The following NCKAP5 variants were observed in gnomAD, a reference collection of about 807,000 sequenced individuals.
The protein encoded by NCKAP5 is NCK associated protein 5.
NCKAP5 carries 92 observed loss-of-function variants against 167.0 expected under a neutral mutation model. The ratio of observed to expected loss-of-function variants is 0.55; its 90% confidence interval spans 0.47 to 0.66. NCKAP5 has a LOEUF of 0.66. NCKAP5 is among the 30% of genes least tolerant of loss of function. The probability of loss-of-function intolerance (pLI) is 0.00; values close to 1 mark genes in which losing one functional copy is unlikely to be tolerated. For synonymous variants in NCKAP5, 891 were observed against 877.4 expected (o/e 1.02, Z -0.27); for missense variants, 2,378 against 2,315.0 (o/e 1.03, Z -0.56).
intron 3 of NCKAP5, among the ~76,000 whole-genome samples, chr2:133,353,294 G>C (rs967285209): frequency 1.3e-5 from 2 of 152,168 alleles, no homozygotes; most frequent in African/African-American, 4.8e-5. Context: ...TGAGACAGAA[G>C]GCATTTTTGG....
intron 3 of NCKAP5, among the ~76,000 whole-genome samples, chr2:133,336,656 G>C (rs369429165): frequency 6.6e-6 from 1 of 152,046 alleles, no homozygotes. Context: ...ACCAAATTTG[G>C]TAAAATAAAA....
intron 6 of NCKAP5, among the ~76,000 whole-genome samples, chr2:133,106,745 GA>G (rs1304613952): frequency 6.6e-6 from 1 of 152,198 alleles, no homozygotes; most frequent in African/African-American, 2.4e-5. Context: ...CAGAGTTGTG[GA>G]AACAGCTGCT....
intron 4 of NCKAP5, among the ~76,000 whole-genome samples, chr2:133,251,743 A>G (rs1201965743): frequency 6.6e-6 from 1 of 152,208 alleles, no homozygotes; most frequent in Non-Finnish European, 1.5e-5. Flanking sequence ...TAATTCATAC[A>G]AATAAAAAGA....
At chr2:133,370,907 T>C (rs566829201) in intron 3 of NCKAP5, among the ~76,000 whole-genome samples, 76 of 152,120 alleles carry the variant, frequency 5.0e-4, no homozygotes, top group Non-Finnish European at 8.7e-4. Flanking sequence ...GGTCTTCAAA[T>C]GTATAAAATG....
At chr2:133,396,357 G>A (rs557388844) in intron 3 of NCKAP5, among the ~76,000 whole-genome samples, 6 of 152,132 alleles carry the variant, frequency 3.9e-5, no homozygotes, top group South Asian at 4.2e-4. Flanking sequence ...AACTCAGCTC[G>A]TTTTCACCAA....
chr2:132,900,635 T>C (rs1693547670), intron 8 of NCKAP5, among the ~76,000 whole-genome samples: 1 of 152,176 alleles, frequency 6.6e-6, no homozygotes, highest in African/African-American at 2.4e-5. Flanking sequence ...CATAATTTTA[T>C]AGAGTATGAA....
At chr2:133,668,068 A>G in the NCKAP5 span, among the ~76,000 whole-genome samples, 2 of 152,042 alleles carry the variant, frequency 1.3e-5, no homozygotes, top group Non-Finnish European at 2.9e-5. Context: ...TAAACTTAAC[A>G]TAATGTTTCC....
chr2:132,807,338 T>C (rs1334166238), intron 11 of NCKAP5, among the ~76,000 whole-genome samples: 1 of 152,156 alleles, frequency 6.6e-6, no homozygotes, highest in Non-Finnish European at 1.5e-5. Flanking sequence ...AATTTGTAGA[T>C]TGTTTTTGGT....
At chr2:132,822,912 G>C (rs1304289731) in intron 11 of NCKAP5, among the ~76,000 whole-genome samples, 1 of 152,158 alleles carries the variant, frequency 6.6e-6, no homozygotes, top group African/African-American at 2.4e-5. Flanking sequence ...GCAACATGCA[G>C]GGAGAGTTTC....
chr2:132,762,926 G>T (rs1681136834), intron 16 of NCKAP5, among the ~76,000 whole-genome samples: 1 of 152,166 alleles, frequency 6.6e-6, no homozygotes, highest in Non-Finnish European at 1.5e-5. Flanking sequence ...ACATATTCTG[G>T]TAGGCTGGTA....
chr2:132,761,456 A>G (rs1049452694), intron 16 of NCKAP5, among the ~76,000 whole-genome samples: 1 of 152,234 alleles, frequency 6.6e-6, no homozygotes, highest in African/African-American at 2.4e-5. Context: ...TGGCTAGGGC[A>G]TTCTCTTGCT....
chr2:132,895,001 GT>G (rs1693028812), intron 8 of NCKAP5, among the ~76,000 whole-genome samples: 1 of 152,144 alleles, frequency 6.6e-6, no homozygotes, highest in Admixed American at 6.5e-5. Context: ...CCTTTGACTT[GT>G]TTTTGTCATC....
At chr2:133,632,778 G>C in the NCKAP5 span, among the ~76,000 whole-genome samples, 1 of 152,126 alleles carries the variant, frequency 6.6e-6, no homozygotes, top group South Asian at 2.1e-4. Flanking sequence ...GGTTCTATCA[G>C]GAAAACTTAC....
At chr2:133,266,000 GCCCCCA>G (rs2089184734) in intron 4 of NCKAP5, among the ~76,000 whole-genome samples, 1 of 152,108 alleles carries the variant, frequency 6.6e-6, no homozygotes, top group South Asian at 2.1e-4. Flanking sequence ...GCCCCTTTAC[GCCCCCA>G]CCCTTTAGGA....
chr2:133,110,811 C>A (rs1475597950), intron 6 of NCKAP5, among the ~76,000 whole-genome samples: 1 of 152,144 alleles, frequency 6.6e-6, no homozygotes, highest in African/African-American at 2.4e-5. Flanking sequence ...GACTGGGGGG[C>A]TTCAACAACA....
chr2:133,352,562 G>A lies in NCKAP5; in HGVS notation c.70-49452C>T, dbSNP rs78664926. Among the ~76,000 whole-genome samples the A allele has an allele frequency of 1.6e-3, 247 of 152,290 alleles. 1 individual carries two copies. The highest frequency in any genetic ancestry group is 5.8e-3 in the African/African-American group (239 of 41,562). On this transcript the variant is annotated intron_variant, in intron 3 of 19. Coordinates refer to ENST00000409261, the MANE Select transcript of NCKAP5 (RefSeq NM_207363.3). ...GAGGAGAAAGAATTAGCTGGGGTGG[G>A]CTATCTCTTAGCCTCCTGAAGGCTA...
At chr2:133,381,672 T>C (rs1056326869) in intron 3 of NCKAP5, among the ~76,000 whole-genome samples, 3 of 152,212 alleles carry the variant, frequency 2.0e-5, no homozygotes, top group Admixed American at 6.5e-5. Context: ...CCATAGCTAA[T>C]TCTGGCAGAA....
At chr2:133,224,520 C>T (rs1230590727) in intron 4 of NCKAP5, among the ~76,000 whole-genome samples, 1 of 152,154 alleles carries the variant, frequency 6.6e-6, no homozygotes, top group Non-Finnish European at 1.5e-5. Context: ...TTTAGATGCT[C>T]CATATAATAT....
chr2:133,460,918 T>C (rs1053260733), intron 3 of NCKAP5, among the ~76,000 whole-genome samples: 1 of 152,170 alleles, frequency 6.6e-6, no homozygotes, highest in African/African-American at 2.4e-5. Flanking sequence ...GCATTATTTA[T>C]AGTTTTCAGA....
Sources: allele counts gnomAD v4.1 joint callset (sites outside exome capture counted in the v4.1 genomes callset), GRCh38; gene constraint gnomAD v4.1.1; transcripts MANE v1.5; gene names NCBI Gene and HGNC (gene_info 2026-07-23, HGNC 2026-07-21).